Variants in TMEM135 observed in about 807,000 individuals in gnomAD.
The protein encoded by TMEM135 is transmembrane protein 135.
Under a neutral mutation model 60.3 loss-of-function variants are expected in TMEM135, and 30 were observed. The ratio of observed to expected loss-of-function variants is 0.50; its 90% CI spans 0.37 to 0.68. TMEM135 has a LOEUF of 0.68. Ranked by LOEUF, TMEM135 falls within the 30% of genes least tolerant of loss-of-function variation. The pLI, the probability that TMEM135 is intolerant of heterozygous loss-of-function variation, is 0.00. For synonymous variants in TMEM135, 190 were observed against 186.7 expected (o/e 1.02, Z -0.14); for missense variants, 468 against 548.8 (o/e 0.85, Z 1.47).
chr11:87,295,258 G>A (rs1252466845), intron 6 of TMEM135, among the ~76,000 whole-genome samples: 1 of 152,150 alleles, frequency 6.6e-6, no homozygotes, highest in African/African-American at 2.4e-5. Flanking sequence ...CATGCTCTGT[G>A]ATCTGTTCTA....
At chr11:87,302,493 A>G (rs778488082) in intron 8 of TMEM135, 51 bp downstream of exon 8, 1 of 1,609,270 alleles carries the variant, frequency 6.2e-7, no homozygotes, top group East Asian at 2.2e-5. Context: ...GTTTCATATG[A>G]TATTTGTACC....
Position 87,321,615 on chromosome 11 carries a change from A to C in TMEM135, c.*282A>C. 1.7e-6 allele frequency: 1 copy of C among 572,950 alleles called. No homozygotes were observed. The highest frequency in any genetic ancestry group is 3.3e-6 in the Non-Finnish European group (1 of 306,354). The allele number at this position is 572,950 out of a possible 1,614,324, so 35.5% of individuals were successfully genotyped here. A position where few individuals can be genotyped will look rare whatever the true frequency, so the allele number is the denominator to read the frequency against. Reference sequence around the variant, plus strand: ...ATTATGTCCACAAGCAATATTATATAATCTACGTAGAAGTGTAATAACAAA... The same window carrying C: ...ATTATGTCCACAAGCAATATTATATCATCTACGTAGAAGTGTAATAACAAA... On this transcript the variant is annotated 3_prime_UTR_variant, in exon 15 of 15. Transcript: ENST00000305494.
At chr11:87,089,475 T>G (rs1300320146) in intron 3 of TMEM135, among the ~76,000 whole-genome samples, 2 of 152,030 alleles carry the variant, frequency 1.3e-5, no homozygotes, top group Non-Finnish European at 2.9e-5. Context: ...CCCAGGAGTT[T>G]GAGACTGCAG....
At chr11:87,231,860 C>T (rs975199939) in intron 5 of TMEM135, among the ~76,000 whole-genome samples, 2 of 151,600 alleles carry the variant, frequency 1.3e-5, no homozygotes, top group South Asian at 2.1e-4. Context: ...TGGATTGTAT[C>T]AATGGCAGAT....
At chr11:87,093,441 G>T (rs1857254440) in intron 4 of TMEM135, among the ~76,000 whole-genome samples, 1 of 152,010 alleles carries the variant, frequency 6.6e-6, no homozygotes, top group East Asian at 1.9e-4. Context: ...AGACTCTTGG[G>T]CTCGAGTGAT....
At chr11:87,062,128 C>T (rs561404029) in intron 1 of TMEM135, among the ~76,000 whole-genome samples, 1 of 152,096 alleles carries the variant, frequency 6.6e-6, no homozygotes, top group East Asian at 1.9e-4. Flanking sequence ...GCCTCAGCCT[C>T]CTGAGTAGCT....
intron 6 of TMEM135, among the ~76,000 whole-genome samples, chr11:87,293,526 A>G (rs1024693023): frequency 2.6e-5 from 4 of 151,688 alleles, no homozygotes; most frequent in Admixed American, 2.6e-4. Flanking sequence ...CCACACCCCA[A>G]CAGGCCCTGG....
intron 4 of TMEM135, among the ~76,000 whole-genome samples, chr11:87,145,190 C>T (rs1237134600): frequency 1.8e-4 from 28 of 152,166 alleles, no homozygotes; most frequent in Non-Finnish European, 1.5e-5. Context: ...TGATATTTGT[C>T]TTTCTGGGTA....
chr11:87,167,253 A>G (rs1235172228), intron 5 of TMEM135, among the ~76,000 whole-genome samples: 1 of 152,198 alleles, frequency 6.6e-6, no homozygotes, highest in African/African-American at 2.4e-5. Context: ...ATCTGCAAAC[A>G]GAGATAATTT....
At chr11:87,197,934 G>T (rs780466241) in intron 5 of TMEM135, among the ~76,000 whole-genome samples, 2 of 150,410 alleles carry the variant, frequency 1.3e-5, no homozygotes, top group Admixed American at 6.6e-5. Flanking sequence ...TTAGTTTTTG[G>T]ATACTTTTTT....
chr11:87,231,884 A>G (rs1940896179), intron 5 of TMEM135, among the ~76,000 whole-genome samples: 1 of 152,156 alleles, frequency 6.6e-6, no homozygotes, highest in African/African-American at 2.4e-5. Context: ...ACATTGCAGA[A>G]TAAAATATTA....
chr11:87,325,082 T>C lies in TMEM135; in HGVS notation c.*3749T>C, dbSNP rs1310452034. On this transcript the variant is annotated 3_prime_UTR_variant, in exon 15 of 15. Transcript: ENST00000305494. Reference sequence around the variant, plus strand: ...CATTGGTGCCAGCTCTATAATTTCTTCTTCTTGTGGAATTAACAAAGAAAG... The same window carrying C: ...CATTGGTGCCAGCTCTATAATTTCTCCTTCTTGTGGAATTAACAAAGAAAG... The C allele has an allele frequency of 6.6e-6, 3 of 453,946 alleles. No individual in the cohort carries two copies. The highest frequency in any genetic ancestry group is 2.4e-5 in the Admixed American group (1 of 42,546). The allele number at this position is 453,946 out of a possible 1,614,324, so 28.1% of individuals were successfully genotyped here. A position where few individuals can be genotyped will look rare whatever the true frequency, so the allele number is the denominator to read the frequency against.
At chr11:87,234,292 A>G (rs1201897969) in intron 5 of TMEM135, among the ~76,000 whole-genome samples, 1 of 152,058 alleles carries the variant, frequency 6.6e-6, no homozygotes, top group African/African-American at 2.4e-5. Flanking sequence ...CTTTTTAAAA[A>G]TATATTCTCT....
intron 8 of TMEM135, 97 bp downstream of exon 8, chr11:87,302,539 G>A (rs920603572): frequency 2.0e-6 from 3 of 1,480,582 alleles, no homozygotes; most frequent in African/African-American, 2.8e-5. Flanking sequence ...TTCAGGTAAT[G>A]ATGATCATTT....
At chr11:87,093,952 AAATG>A (rs912895082) in intron 4 of TMEM135, among the ~76,000 whole-genome samples, 1 of 152,210 alleles carries the variant, frequency 6.6e-6, no homozygotes, top group Non-Finnish European at 1.5e-5. Context: ...TATGTTAATT[AAATG>A]TTACGTAAAT....
At chr11:87,039,905 G>A (rs2513216) in intron 1 of TMEM135, among the ~76,000 whole-genome samples, 35,617 of 152,130 alleles carry the variant, frequency 0.23, 4,641 homozygotes, top group East Asian at 0.52. Flanking sequence ...TCTATGATAG[G>A]GACATTCAGG....
chr11:87,077,316 T>G (rs539545422), intron 3 of TMEM135, among the ~76,000 whole-genome samples: 2 of 152,388 alleles, frequency 1.3e-5, no homozygotes, highest in East Asian at 3.9e-4. Context: ...TAGCTTGTAT[T>G]ACTAAGCTTA....
intron 1 of TMEM135, among the ~76,000 whole-genome samples, chr11:87,066,259 T>C (rs1034460809): frequency 6.6e-6 from 1 of 152,198 alleles, no homozygotes; most frequent in African/African-American, 2.4e-5. Context: ...TGTTGTTTCA[T>C]TATGATGGAG....
chr11:87,297,571 T>C (rs1942368530), intron 7 of TMEM135, among the ~76,000 whole-genome samples: 1 of 152,232 alleles, frequency 6.6e-6, no homozygotes, highest in African/African-American at 2.4e-5. Flanking sequence ...AACTTAGTCT[T>C]GTTTTCCTAC....
Sources: gnomAD v4.1 joint callset for allele counts (sites outside exome capture counted in the v4.1 genomes callset) on GRCh38, gnomAD v4.1.1 for gene constraint, MANE v1.5 for transcripts, NCBI Gene and HGNC (gene_info 2026-07-23, HGNC 2026-07-21) for gene names.